Variants in LRFN5 observed in about 807,000 individuals in gnomAD.
The protein encoded by LRFN5 is leucine-rich repeat and fibronectin type-III domain-containing protein 5.
In LRFN5, 24 loss-of-function variants were observed where a neutral mutation model predicts 45.6. The observed-to-expected ratio is 0.53, with a 90% CI of 0.38 to 0.74. LRFN5 has a LOEUF of 0.74. Among genes scored for constraint, LRFN5 ranks in the 30% least tolerant of loss-of-function variants. The probability of loss-of-function intolerance (pLI) is 0.00; values close to 1 mark genes in which losing one functional copy is unlikely to be tolerated. For synonymous variants in LRFN5, 340 were observed against 313.8 expected, an observed-to-expected ratio of 1.08 and a Z score of -0.88; for missense variants, 776 against 861.5, an observed-to-expected ratio of 0.90 and a Z score of 1.24.
At chr14:41,812,957 G>T (rs1887785819) in intron 2 of LRFN5, among the ~76,000 whole-genome samples, 1 of 152,090 alleles carries the variant, frequency 6.6e-6, no homozygotes, top group Admixed American at 6.6e-5. Flanking sequence ...CACACAGGTA[G>T]CTTTCAACTG....
At chr14:41,628,886 G>A (rs941565115) in intron 1 of LRFN5, among the ~76,000 whole-genome samples, 3 of 152,052 alleles carry the variant, frequency 2.0e-5, no homozygotes, top group African/African-American at 4.8e-5. Flanking sequence ...TCCTGTCAGC[G>A]CATACTACAT....
In LRFN5 at chr14:41,887,327, A is replaced by G. The variant is rs1204147638; in HGVS notation, c.702A>G (p.Ala234=). ...TSGIISPSTF[A]LSFGGNPLHC... ...GAATCATAAGCCCATCTACTTTTGCATTAAGTTTTGGTGGAAACCCCTTGC... is the reference window on the plus strand; with the variant it reads ...GAATCATAAGCCCATCTACTTTTGCGTTAAGTTTTGGTGGAAACCCCTTGC... The change falls in exon 3 of 6, where the codon GCA becomes GCG. Residue 234 remains alanine, a synonymous_variant. Coordinates refer to ENST00000298119, the MANE Select transcript of LRFN5 (RefSeq NM_152447.5). This position sits in a 1 kb window ranked among gnomAD's most constrained non-coding sequence, Gnocchi z 4.8. 1 of 1,614,206 alleles carries G rather than the reference A, an allele frequency of 6.2e-7. No homozygotes were observed.
At chr14:41,662,119 C>T (rs964621181) in intron 1 of LRFN5, among the ~76,000 whole-genome samples, 4 of 151,962 alleles carry the variant, frequency 2.6e-5, no homozygotes, top group Non-Finnish European at 5.9e-5. Flanking sequence ...ACAGGGCCAG[C>T]TTTATTCAGG....
chr14:41,653,972 C>T (rs1303961376), intron 1 of LRFN5, among the ~76,000 whole-genome samples: 1 of 151,974 alleles, frequency 6.6e-6, no homozygotes, highest in Non-Finnish European at 1.5e-5. Context: ...ACTGCATGTT[C>T]TCACTCATAG....
chr14:41,804,836 T>G (rs1594424651), intron 2 of LRFN5, among the ~76,000 whole-genome samples: 1 of 152,342 alleles, frequency 6.6e-6, no homozygotes, highest in East Asian at 1.9e-4. Context: ...TACTTTTTAA[T>G]TGCCTTATAA....
At chr14:41,798,672 T>C (rs1887217612) in intron 2 of LRFN5, among the ~76,000 whole-genome samples, 1 of 152,060 alleles carries the variant, frequency 6.6e-6, no homozygotes, top group Admixed American at 6.6e-5. Flanking sequence ...TATTAGTTTG[T>C]AATGACTGAA....
chr14:41,742,334 C>CACAA (rs1262184467), intron 1 of LRFN5, among the ~76,000 whole-genome samples: 3 of 149,902 alleles, frequency 2.0e-5, no homozygotes, highest in African/African-American at 7.3e-5. Context: ...CACACACACA[C>CACAA]ACACACACAC....
At chr14:41,849,099 A>G (rs1266728021) in intron 2 of LRFN5, among the ~76,000 whole-genome samples, 3 of 152,116 alleles carry the variant, frequency 2.0e-5, no homozygotes, top group Admixed American at 1.3e-4. Flanking sequence ...CTAAAGAGTC[A>G]GTATTAAGAA....
intron 1 of LRFN5, among the ~76,000 whole-genome samples, chr14:41,717,899 G>T (rs1047271391): frequency 1.3e-5 from 2 of 152,076 alleles, no homozygotes; most frequent in Non-Finnish European, 2.9e-5. Flanking sequence ...ACAGGTTTTA[G>T]ACCATGTATA....
chr14:41,856,618 C>A (rs909614597), intron 2 of LRFN5, among the ~76,000 whole-genome samples: 9 of 148,128 alleles, frequency 6.1e-5, no homozygotes, highest in African/African-American at 2.0e-4. Flanking sequence ...TCTGAACTTG[C>A]CGAGTTTTGT....
At chr14:41,798,041 A>G (rs1887194371) in intron 2 of LRFN5, among the ~76,000 whole-genome samples, 1 of 151,868 alleles carries the variant, frequency 6.6e-6, no homozygotes, top group Non-Finnish European at 1.5e-5. Context: ...TCCTCTTGGA[A>G]CTATCTCTAT....
chr14:41,867,759 C>T (rs1419204237), intron 2 of LRFN5, among the ~76,000 whole-genome samples: 1 of 152,060 alleles, frequency 6.6e-6, no homozygotes, highest in Non-Finnish European at 1.5e-5. Context: ...TTTTTTGTCA[C>T]TTCTCACCTT....
At chr14:41,899,499 C>A (rs745552271) in intron 5 of LRFN5, among the ~76,000 whole-genome samples, 6 of 152,050 alleles carry the variant, frequency 3.9e-5, no homozygotes, top group Non-Finnish European at 7.4e-5. Context: ...AATTATTCTT[C>A]TTGAGTGGTT....
At chr14:41,853,491 C>T (rs1052517289) in intron 2 of LRFN5, among the ~76,000 whole-genome samples, 2 of 152,000 alleles carry the variant, frequency 1.3e-5, no homozygotes, top group African/African-American at 2.4e-5. Flanking sequence ...AGTAATGCCA[C>T]AGTAGTAACT....
chr14:41,620,325 C>A lies in LRFN5; in HGVS notation c.-197+11763C>A, dbSNP rs547436138. On this transcript the variant is annotated intron_variant, in intron 1 of 5. Coordinates refer to ENST00000298119, the MANE Select transcript of LRFN5 (RefSeq NM_152447.5). ...AATATATAGTTCTAATAGGCAGGAC[C>A]AATCCAGGTTGTTTAGGGTTTTGAA... Among the ~76,000 whole-genome samples the A allele has an allele frequency of 6.6e-5, 10 of 152,104 alleles. No homozygotes were observed. The South Asian group carries it at 2.1e-3, about 32-fold the overall frequency.
chr14:41,732,738 G>A, intron 1 of LRFN5, among the ~76,000 whole-genome samples: 1 of 147,492 alleles, frequency 6.8e-6, no homozygotes, highest in Middle Eastern at 3.3e-3. Context: ...GATAGTTCAA[G>A]AAAAAAAATT....
At chr14:41,833,142 G>A (rs1888542801) in intron 2 of LRFN5, among the ~76,000 whole-genome samples, 1 of 152,132 alleles carries the variant, frequency 6.6e-6, no homozygotes, top group South Asian at 2.1e-4. Context: ...GCCTTGATAA[G>A]TAGAAATTTA....
Position 41,695,249 on chromosome 14 carries a change from C to A in LRFN5, c.-196-71605C>A, listed in dbSNP as rs553143584. Among the ~76,000 whole-genome samples the A allele has an allele frequency of 4.6e-5, 7 of 151,952 alleles. No homozygotes were observed. In the East Asian group the frequency reaches 1.4e-3, roughly 29 times the overall value. On this transcript the variant is annotated intron_variant, in intron 1 of 5. Coordinates refer to ENST00000298119, the MANE Select transcript of LRFN5 (RefSeq NM_152447.5). Reference sequence around the variant, plus strand: ...CTGCAGAAGAGAAGTTTGAAGCTAGCAGAGATTTGTTCATGAGACTTATAG... The same window carrying A: ...CTGCAGAAGAGAAGTTTGAAGCTAGAAGAGATTTGTTCATGAGACTTATAG...
At chr14:41,832,387 T>C (rs907020018) in intron 2 of LRFN5, among the ~76,000 whole-genome samples, 1 of 152,298 alleles carries the variant, frequency 6.6e-6, no homozygotes, top group African/African-American at 2.4e-5. Flanking sequence ...CAATACAATA[T>C]TCGGTCACTG....
Sources: gnomAD v4.1 joint callset for allele counts (sites outside exome capture counted in the v4.1 genomes callset) on GRCh38, gnomAD v4.1.1 for gene constraint, Gnocchi (gnomAD v3.1) non-coding constraint, MANE v1.5 for transcripts, NCBI Gene and HGNC (gene_info 2026-07-23, HGNC 2026-07-21) for gene names.